MYT1L: variants seen among roughly 807,000 people sequenced by gnomAD.
MYT1L encodes myelin transcription factor 1-like protein.
A neutral mutation model predicts 126.7 loss-of-function variants in MYT1L; 12 were observed. The ratio of observed to expected loss-of-function variants is 0.09; its 90% CI spans 0.06 to 0.15. The LOEUF (loss-of-function observed/expected upper bound fraction) is 0.15, where lower values mean the gene tolerates loss of function less well. Among genes scored for constraint, MYT1L ranks in the 10% least tolerant of loss-of-function variants. The pLI, the probability that MYT1L is intolerant of heterozygous loss-of-function variation, is 1.00. For synonymous variants in MYT1L, 541 were observed against 604.2 expected, an observed-to-expected ratio of 0.90 and a Z score of 1.53; for missense variants, 979 against 1,585.2, an observed-to-expected ratio of 0.62 and a Z score of 6.49.
At chr2:2,188,449 T>C in intron 2 of MYT1L, among the ~76,000 whole-genome samples, 1 of 152,204 alleles carries the variant, frequency 6.6e-6, no homozygotes, top group Middle Eastern at 3.2e-3. Flanking sequence ...CTCACGCCGA[T>C]AGGAGCCGTG....
intron 18 of MYT1L, among the ~76,000 whole-genome samples, chr2:1,858,820 G>A (rs369644704): frequency 2.5e-4 from 38 of 152,184 alleles, no homozygotes; most frequent in African/African-American, 8.9e-4. Flanking sequence ...GCAAGATCCC[G>A]CATGGGGCGT....
chr2:2,082,647 G>A (rs778463944), intron 3 of MYT1L, among the ~76,000 whole-genome samples: 2 of 152,206 alleles, frequency 1.3e-5, no homozygotes, highest in Non-Finnish European at 2.9e-5. Context: ...TGAGGGGACA[G>A]AGTTCCAGGA....
chr2:2,115,982 G>A (rs1364189323), intron 3 of MYT1L, among the ~76,000 whole-genome samples: 1 of 150,972 alleles, frequency 6.6e-6, no homozygotes, highest in Non-Finnish European at 1.5e-5. Context: ...GACGAAAACA[G>A]GACGAGCCTG....
At chr2:1,963,208 GC>G (rs1156299877) in intron 8 of MYT1L, among the ~76,000 whole-genome samples, 2 of 152,214 alleles carry the variant, frequency 1.3e-5, no homozygotes, top group African/African-American at 2.4e-5. Context: ...CAGGTGCATT[GC>G]CCATGAGCAG....
chr2:1,964,494 A>C (rs2059188788), intron 8 of MYT1L, among the ~76,000 whole-genome samples: 1 of 152,218 alleles, frequency 6.6e-6, no homozygotes, highest in Non-Finnish European at 1.5e-5. Context: ...CAATAAAGCA[A>C]CGTGCAATAA....
Position 1,791,113 on chromosome 2 carries a change from G to A in MYT1L, c.*754C>T, listed in dbSNP as rs929129568. 1.8e-5 allele frequency: 8 copies of A among 439,846 alleles called. No homozygotes were observed. Among genetic ancestry groups the A allele is most frequent in the Non-Finnish European group, 3.7e-5 (8 of 215,498 alleles). The allele number at this position is 439,846 out of a possible 1,614,324, so 27.2% of individuals were successfully genotyped here. The stretch of plus-strand genomic sequence containing the variant: ...GCTTAGGAGTTAATTTAAAAGTGCT[G>A]TTTAAGCTGCTTTGAATCTTCTGCC... On this transcript the variant is annotated 3_prime_UTR_variant, in exon 25 of 25. Transcript: ENST00000647738. This position sits in a 1 kb window ranked among gnomAD's most constrained non-coding sequence, Gnocchi z 6.0.
rs1195961824 is a variant in MYT1L, at chr2:1,943,653, A to G, written c.153-319T>C. ...CATGAGATTGGTTTGCATAATGTGT[A>G]TAACATGTAATTGACAATACAAATT... On this transcript the variant is annotated intron_variant, in intron 8 of 24. Coordinates refer to ENST00000647738, the MANE Select transcript of MYT1L (RefSeq NM_001303052.2). The surrounding 1 kb of genome is among the most constrained non-coding windows in gnomAD (Gnocchi z 4.4). Among the ~76,000 whole-genome samples the G allele has an allele frequency of 6.6e-6, 1 of 152,224 alleles. No individual in the cohort carries two copies. The highest frequency in any genetic ancestry group is 6.5e-5 in the Admixed American group (1 of 15,288).
At chr2:2,265,168 C>T (rs1439902914) in intron 2 of MYT1L, among the ~76,000 whole-genome samples, 1 of 151,940 alleles carries the variant, frequency 6.6e-6, no homozygotes, top group African/African-American at 2.4e-5. Flanking sequence ...GCTGGGATTA[C>T]AGGCACCTGG....
chr2:2,232,484 G>T (rs530676906), intron 2 of MYT1L, among the ~76,000 whole-genome samples: 1 of 152,266 alleles, frequency 6.6e-6, no homozygotes, highest in African/African-American at 2.4e-5. Flanking sequence ...AATTTCTCTC[G>T]GCCCAAGTAG....
At chr2:2,185,902 T>TC (rs1559271529) in intron 2 of MYT1L, among the ~76,000 whole-genome samples, 6 of 119,732 alleles carry the variant, frequency 5.0e-5, no homozygotes, top group African/African-American at 2.2e-4. Flanking sequence ...CAGCCGGGCC[T>TC]TCCGGGCCTT....
intron 11 of MYT1L, among the ~76,000 whole-genome samples, chr2:1,914,325 G>C (rs1019318573): frequency 2.0e-5 from 3 of 151,812 alleles, no homozygotes; most frequent in Admixed American, 6.6e-5. Flanking sequence ...TCAGACACAC[G>C]GGGCTTTATC....
Position 1,943,080 on chromosome 2 carries a change from T to A in MYT1L, c.407A>T (p.Glu136Val). 6.9e-7 allele frequency: 1 copy of A among 1,457,774 alleles called. No individual in the cohort carries two copies. The allele number at this position is 1,457,774 out of a possible 1,614,324, so 90.3% of individuals were successfully genotyped here. A position where few individuals can be genotyped will look rare whatever the true frequency, so the allele number is the denominator to read the frequency against. ...CTCGTCATCGTCCTCATCCTCCTCC[T>A]CGATCTCCTCCTCCTCCTCCCGGTC... ...EGDREEEEEI[E>V]EEDEDDDEDG... The change falls in exon 9 of 25, where the codon GAG (glutamate) becomes GTG (valine). Residue 136 changes from glutamate to valine, a missense_variant. By Grantham distance (121) the Glu-to-Val change is moderately radical. Transcript: ENST00000647738. The surrounding 1 kb of genome is among the most constrained non-coding windows in gnomAD (Gnocchi z 4.4).
intron 9 of MYT1L, among the ~76,000 whole-genome samples, chr2:1,936,444 C>T (rs924151652): frequency 1.4e-4 from 21 of 152,190 alleles, no homozygotes; most frequent in African/African-American, 3.9e-4. Flanking sequence ...TGTACTTCAA[C>T]GTAGCTGCAC....
chr2:2,113,055 G>C (rs1273113286), intron 3 of MYT1L, among the ~76,000 whole-genome samples: 8 of 152,184 alleles, frequency 5.3e-5, no homozygotes, highest in African/African-American at 1.9e-4. Flanking sequence ...GGGTGCTGAT[G>C]ACCACGGGGG....
chr2:1,876,673 C>G (rs957708576), intron 18 of MYT1L, among the ~76,000 whole-genome samples: 17 of 152,186 alleles, frequency 1.1e-4, no homozygotes, highest in South Asian at 2.1e-4. Context: ...CCCATCCCAG[C>G]CCTGCACCCC....
rs1215370560 is a variant in MYT1L at position 1,943,319 on chromosome 2, G to C, written c.168C>G (p.Pro56=). Residue 56 remains proline (P), a synonymous_variant, in exon 9 of 25, where the codon CCC becomes CCG. Transcript: ENST00000647738. The surrounding 1 kb of genome is among the most constrained non-coding windows in gnomAD (Gnocchi z 4.4). ...CTTGTGTTTTTCTTTTTTTCGCCAA[G>C]GGACAACCATATACACTAATTAAAA... ...YARHRSVYGC[P]LAKKRKTQDK... The C allele has an allele frequency of 6.4e-6, 10 of 1,572,802 alleles. No individual in the cohort carries two copies. Among genetic ancestry groups the C allele is most frequent in the East Asian group, 4.6e-5 (2 of 43,280 alleles).
chr2:2,217,723 A>AT (rs2093730761), intron 2 of MYT1L, among the ~76,000 whole-genome samples: 1 of 145,554 alleles, frequency 6.9e-6, no homozygotes, highest in Non-Finnish European at 1.5e-5. Context: ...AAAAAAAGAA[A>AT]GAAGGAAAAA....
intron 1 of MYT1L, among the ~76,000 whole-genome samples, chr2:2,295,713 CAGAGAGAG>C (rs1229343280): frequency 7.8e-5 from 2 of 25,536 alleles, no homozygotes; most frequent in East Asian, 1.4e-3. Flanking sequence ...GACAGACAGA[CAGAGAGAG>C]AGATAGAGAG....
chr2:1,791,845 G>T lies in MYT1L; in HGVS notation c.*22C>A. On this transcript the variant is annotated 3_prime_UTR_variant, in exon 25 of 25. Coordinates refer to ENST00000647738, the MANE Select transcript of MYT1L (RefSeq NM_001303052.2). The surrounding 1 kb of genome is among the most constrained non-coding windows in gnomAD (Gnocchi z 6.0). ...CAAGAGGCATCCTTTTTAAGCAAGA[G>T]TTTCATCACTACAGCAGCTGTTCAG... 1 of 1,533,890 alleles carries T rather than the reference G, an allele frequency of 6.5e-7. No homozygotes were observed. Among genetic ancestry groups the T allele is most frequent in the Non-Finnish European group, 8.7e-7 (1 of 1,145,702 alleles).
Sources: allele counts gnomAD v4.1 joint callset (sites outside exome capture counted in the v4.1 genomes callset), GRCh38; gene constraint gnomAD v4.1.1; non-coding constraint Gnocchi (gnomAD v3.1); transcripts MANE v1.5; gene names NCBI Gene and HGNC (gene_info 2026-07-23, HGNC 2026-07-21).